Variants in C12orf54 observed in about 807,000 individuals in gnomAD.
C12orf54 encodes the protein chromosome 12 open reading frame 54, also known as uncharacterized protein C12orf54.
In C12orf54, 24 loss-of-function variants were observed where a neutral mutation model predicts 26.4. The ratio of observed to expected loss-of-function variants is 0.91; its 90% CI spans 0.66 to 1.28. C12orf54 has a LOEUF of 1.28. Among genes scored for constraint, C12orf54 ranks in the 50% most tolerant of loss-of-function variants. C12orf54 has a pLI of 0.00. For missense variants in C12orf54, 154 were observed against 150.9 expected (o/e 1.02, Z -0.11); for synonymous variants, 54 against 47.0 (o/e 1.15, Z -0.61).
chr12:48,419,413 T>C, the C12orf54 span, among the ~76,000 whole-genome samples: 1 of 152,210 alleles, frequency 6.6e-6, no homozygotes, highest in Admixed American at 6.5e-5. Context: ...TTTAGATAAC[T>C]TATGTGCAGT....
At chr12:48,463,703 C>A in the C12orf54 span, among the ~76,000 whole-genome samples, 1 of 151,984 alleles carries the variant, frequency 6.6e-6, no homozygotes, top group African/African-American at 2.4e-5. Context: ...TAAACATAAT[C>A]CAGCAGCATA....
chr12:48,473,312 T>A, the C12orf54 span: 2 of 1,169,166 alleles, frequency 1.7e-6, no homozygotes, highest in Non-Finnish European at 2.5e-6. Flanking sequence ...GTTATAACAA[T>A]GGAGAGGTAG....
the C12orf54 span, among the ~76,000 whole-genome samples, chr12:48,417,731 C>A: frequency 6.6e-6 from 1 of 152,092 alleles, no homozygotes; most frequent in East Asian, 1.9e-4. Context: ...CCTTGTCCCC[C>A]TCCCTCCCTC....
chr12:48,495,598 G>T (rs1274047568), intron 8 of C12orf54: 1 of 152,608 alleles, frequency 6.6e-6, no homozygotes, highest in Non-Finnish European at 1.5e-5. Context: ...TGTCTCAGGT[G>T]CTCACCCTGT....
the C12orf54 span, among the ~76,000 whole-genome samples, chr12:48,449,691 C>T: frequency 2.0e-5 from 3 of 152,302 alleles, no homozygotes; most frequent in African/African-American, 7.2e-5. Context: ...CTTTTCTGAT[C>T]TGTTGAGATA....
rs912628565 is a variant in C12orf54 at position 48,496,215 on chromosome 12, C to T, written c.*75C>T. ...AGTTGGGGAAGATATTAGCAGACAT[C>T]ATCACTGAACCCAGAAGAGAGGGTG... On this transcript the variant is annotated 3_prime_UTR_variant, in exon 9 of 9. Transcript: ENST00000548364. The T allele has an allele frequency of 6.6e-6, 1 of 152,574 alleles. No individual in the cohort carries two copies. Among genetic ancestry groups the T allele is most frequent in the African/African-American group, 2.4e-5 (1 of 41,458 alleles). 9.5% of individuals were successfully genotyped at this position (152,574 alleles called of 1,614,324 possible). A position where few individuals can be genotyped will look rare whatever the true frequency, so the allele number is the denominator to read the frequency against.
chr12:48,435,367 T>C, the C12orf54 span, among the ~76,000 whole-genome samples: 1 of 152,124 alleles, frequency 6.6e-6, no homozygotes, highest in Non-Finnish European at 1.5e-5. Context: ...ACTTCCCCAA[T>C]CTAGCAAGGC....
At chr12:48,457,631 G>T in the C12orf54 span, among the ~76,000 whole-genome samples, 2 of 152,122 alleles carry the variant, frequency 1.3e-5, no homozygotes, top group Admixed American at 6.5e-5. Flanking sequence ...CTCTGCCAGG[G>T]AAAATTGTTC....
Position 48,490,824 on chromosome 12 carries a change from G to A in C12orf54, c.181G>A (p.Ala61Thr). 1 of 1,613,638 alleles carries A rather than the reference G, an allele frequency of 6.2e-7. No homozygotes were observed. Among genetic ancestry groups the A allele is most frequent in the Non-Finnish European group, 8.5e-7 (1 of 1,179,590 alleles). ...KDIQKELQED[A>T]RIRGMSNCSM... ...CATTATTTTTCAGCTGCAGGAAGAT[G>A]CTCGGATTCGAGGTAAAACAGCACC... Residue 61 changes from alanine to threonine, a missense_variant, in exon 6 of 9, where the codon GCT becomes ACT. Physicochemically the swap from Ala to Thr is moderately conservative, Grantham distance 58. Coordinates refer to ENST00000548364, the MANE Select transcript of C12orf54 (RefSeq NM_152319.4).
At chr12:48,470,128 C>T in the C12orf54 span, among the ~76,000 whole-genome samples, 1 of 152,192 alleles carries the variant, frequency 6.6e-6, no homozygotes, top group Non-Finnish European at 1.5e-5. Context: ...CATGTCTTTA[C>T]TACTCTGAAT....
chr12:48,473,689 C>T, the C12orf54 span: 1 of 201,820 alleles, frequency 5.0e-6, no homozygotes, highest in South Asian at 8.7e-5. Context: ...GTTAAGTACA[C>T]ACTAAGCATT....
chr12:48,477,415 A>G, the C12orf54 span, among the ~76,000 whole-genome samples: 9 of 152,246 alleles, frequency 5.9e-5, no homozygotes, highest in Admixed American at 1.3e-4. Context: ...ACTGAAGGAA[A>G]TAGAGACACA....
At chr12:48,488,983 T>C in intron 5 of C12orf54, 27 bp downstream of exon 5, 2 of 1,608,686 alleles carry the variant, frequency 1.2e-6, no homozygotes, top group Middle Eastern at 1.7e-4. Context: ...ATTCTCTGAA[T>C]TCCCCAGCCC....
the C12orf54 span, among the ~76,000 whole-genome samples, chr12:48,443,394 C>T: frequency 1.8e-3 from 275 of 152,184 alleles, 5 homozygotes; most frequent in East Asian, 6.2e-3. Context: ...CAGCATGAGG[C>T]GAGCAGATTT....
At chr12:48,448,551 T>C in the C12orf54 span, among the ~76,000 whole-genome samples, 1 of 152,230 alleles carries the variant, frequency 6.6e-6, no homozygotes, top group African/African-American at 2.4e-5. Context: ...TGTTTTGGTT[T>C]ATCTGCATAT....
the C12orf54 span, among the ~76,000 whole-genome samples, chr12:48,452,562 A>G: frequency 8.6e-6 from 1 of 116,240 alleles, no homozygotes; most frequent in African/African-American, 2.6e-5. Flanking sequence ...CAGAGTAAAT[A>G]GACAGCCTAC....
chr12:48,441,626 G>C, the C12orf54 span, among the ~76,000 whole-genome samples: 1 of 152,108 alleles, frequency 6.6e-6, no homozygotes, highest in African/African-American at 2.4e-5. Flanking sequence ...AGTGTCTCTT[G>C]GAAGCATATT....
At chr12:48,453,443 G>T in the C12orf54 span, among the ~76,000 whole-genome samples, 1 of 150,570 alleles carries the variant, frequency 6.6e-6, no homozygotes, top group Non-Finnish European at 1.5e-5. Flanking sequence ...ACCATGGCAA[G>T]TGTTTACCTA....
the C12orf54 span, among the ~76,000 whole-genome samples, chr12:48,444,257 G>C: frequency 1.3e-5 from 2 of 152,204 alleles, no homozygotes; most frequent in Non-Finnish European, 2.9e-5. Flanking sequence ...GCTCTAGCTA[G>C]AGCAACCTGG....
Sources: gnomAD v4.1 joint callset for allele counts (sites outside exome capture counted in the v4.1 genomes callset) on GRCh38, gnomAD v4.1.1 for gene constraint, MANE v1.5 for transcripts, NCBI Gene and HGNC (gene_info 2026-07-23, HGNC 2026-07-21) for gene names.